DSCAM: variants seen among roughly 807,000 people sequenced by gnomAD.
DSCAM encodes the protein DS cell adhesion molecule.
Under a neutral mutation model 217.7 loss-of-function variants are expected in DSCAM, and 47 were observed. That is an observed-to-expected ratio of 0.22 (90% CI 0.17 to 0.28). DSCAM has a LOEUF of 0.28. DSCAM is among the 10% of genes least tolerant of loss of function. DSCAM has a pLI of 1.00. For synonymous variants in DSCAM, 1,056 were observed against 1,015.3 expected, an observed-to-expected ratio of 1.04 and a Z score of -0.76; for missense variants, 2,080 against 2,618.3, an observed-to-expected ratio of 0.79 and a Z score of 4.49.
intron 3 of DSCAM, among the ~76,000 whole-genome samples, chr21:40,526,422 G>T (rs2076400990): frequency 6.6e-6 from 1 of 152,122 alleles, no homozygotes; most frequent in Non-Finnish European, 1.5e-5. Flanking sequence ...AGAAGGGGGT[G>T]AAGGCTACTC....
intron 11 of DSCAM, among the ~76,000 whole-genome samples, chr21:40,201,927 G>A (rs893509033): frequency 2.6e-5 from 4 of 152,204 alleles, no homozygotes; most frequent in African/African-American, 9.6e-5. Context: ...GGGTTAGCCA[G>A]TTTTTAAGGT....
chr21:40,716,606 C>G (rs138413126), intron 1 of DSCAM, among the ~76,000 whole-genome samples: 124 of 152,200 alleles, frequency 8.1e-4, no homozygotes, highest in African/African-American at 2.8e-3. Context: ...GCTCCACTGA[C>G]AAACATAAAG....
rs180818081 is a variant in DSCAM, at chr21:40,810,486, G to T, written c.43+36133C>A. On this transcript the variant is annotated intron_variant, in intron 1 of 32. Transcript: ENST00000400454. ...CAGGAACACAAGAAGGTTGGGTAGA[G>T]TGTTTAAGCTTTTGAGTCAGAGAGA... Among the ~76,000 whole-genome samples, 32 of 152,354 alleles carry T rather than the reference G, an allele frequency of 2.1e-4. 1 individual carries two copies. Among genetic ancestry groups the T allele is most frequent in the Admixed American group, 1.9e-3 (29 of 15,308 alleles).
intron 3 of DSCAM, among the ~76,000 whole-genome samples, chr21:40,612,317 C>T (rs373687609): frequency 1.2e-3 from 177 of 152,226 alleles, no homozygotes; most frequent in African/African-American, 3.7e-3. Flanking sequence ...TCTCCAAGTT[C>T]GGGTCCTTAG....
intron 2 of DSCAM, among the ~76,000 whole-genome samples, chr21:40,698,102 G>A (rs2090614921): frequency 6.6e-6 from 1 of 152,138 alleles, no homozygotes; most frequent in South Asian, 2.1e-4. Flanking sequence ...GTTATAAGAA[G>A]TTATTTAAAA....
rs79103737 is a variant in DSCAM at position 40,678,984 on chromosome 21, A to G, written c.508+13826T>C. Among the ~76,000 whole-genome samples, 1,479 of 152,276 alleles carry G rather than the reference A, an allele frequency of 9.7e-3. 32 individuals are homozygous for G. The highest frequency in any genetic ancestry group is 0.032 in the African/African-American group (1,336 of 41,538). On this transcript the variant is annotated intron_variant, in intron 3 of 32. Transcript: ENST00000400454. ...AATCATTTCATGAAAATAAAAGAAG[A>G]CAGCTTTTGTTTTGGGAATAATAAA...
At chr21:40,624,898 T>TA (rs2089578916) in intron 3 of DSCAM, among the ~76,000 whole-genome samples, 1 of 152,188 alleles carries the variant, frequency 6.6e-6, no homozygotes, top group Admixed American at 6.5e-5. Flanking sequence ...AGCATATTCA[T>TA]ACCAGTTATT....
chr21:40,629,579 C>T (rs575253476), intron 3 of DSCAM: 1 of 152,272 alleles, frequency 6.6e-6, no homozygotes, highest in South Asian at 2.1e-4. Context: ...ATCCAAAATT[C>T]CCCAGATGCA....
chr21:40,499,256 A>G (rs1043368424), intron 3 of DSCAM, among the ~76,000 whole-genome samples: 14 of 152,170 alleles, frequency 9.2e-5, no homozygotes, highest in African/African-American at 3.4e-4. Flanking sequence ...CATATGTCAA[A>G]TATCTAGACA....
chr21:40,595,132 G>C (rs902245881), intron 3 of DSCAM, among the ~76,000 whole-genome samples: 2 of 152,094 alleles, frequency 1.3e-5, no homozygotes, highest in Non-Finnish European at 2.9e-5. Flanking sequence ...AATTCCATGA[G>C]TTTGGGAGGC....
chr21:40,395,728 CA>C (rs1416261987), intron 3 of DSCAM, among the ~76,000 whole-genome samples: 2 of 152,052 alleles, frequency 1.3e-5, no homozygotes, highest in African/African-American at 4.8e-5. Flanking sequence ...TTTCCATGGA[CA>C]AAGTCTATTA....
chr21:40,790,243 G>A (rs1601262899), intron 1 of DSCAM, among the ~76,000 whole-genome samples: 1 of 146,428 alleles, frequency 6.8e-6, no homozygotes, highest in African/African-American at 2.5e-5. Flanking sequence ...GTGCAGTGGC[G>A]CAATCTCGGC....
intron 16 of DSCAM, among the ~76,000 whole-genome samples, chr21:40,156,310 AG>A (rs2090477555): frequency 1.4e-5 from 2 of 145,910 alleles, no homozygotes; most frequent in Non-Finnish European, 3.0e-5. Context: ...AGAGAGAGAG[AG>A]AGAGAGAGAG....
At chr21:40,132,364 G>T (rs2090162287) in intron 19 of DSCAM, among the ~76,000 whole-genome samples, 1 of 152,196 alleles carries the variant, frequency 6.6e-6, no homozygotes, top group Non-Finnish European at 1.5e-5. Context: ...CATTTGCACA[G>T]CTGTTTGTCT....
intron 32 of DSCAM, among the ~76,000 whole-genome samples, chr21:40,013,709 C>G (rs1411519172): frequency 6.6e-6 from 1 of 152,216 alleles, no homozygotes; most frequent in Non-Finnish European, 1.5e-5. Context: ...TCAAAGGCAT[C>G]AGTGTCCACT....
At chr21:40,440,954 A>G (rs993678771) in intron 3 of DSCAM, among the ~76,000 whole-genome samples, 11 of 152,160 alleles carry the variant, frequency 7.2e-5, no homozygotes, top group African/African-American at 2.7e-4. Flanking sequence ...CACTCTCTTA[A>G]TGGACTTCAG....
intron 11 of DSCAM, among the ~76,000 whole-genome samples, chr21:40,247,810 C>T (rs1205881135): frequency 6.6e-6 from 1 of 152,230 alleles, no homozygotes; most frequent in African/African-American, 2.4e-5. Flanking sequence ...TGTGGGGCCT[C>T]TGACCCCACA....
At chr21:40,582,482 G>T (rs1019667652) in intron 3 of DSCAM, among the ~76,000 whole-genome samples, 1 of 152,032 alleles carries the variant, frequency 6.6e-6, no homozygotes, top group African/African-American at 2.4e-5. Flanking sequence ...ACATTCTTAG[G>T]TTATGTATTA....
chr21:40,606,384 A>G (rs2089238577), intron 3 of DSCAM, among the ~76,000 whole-genome samples: 1 of 152,228 alleles, frequency 6.6e-6, no homozygotes, highest in Non-Finnish European at 1.5e-5. Flanking sequence ...ATTCTTCCAG[A>G]GGAGCTGGAA....
Sources: gnomAD v4.1 joint callset for allele counts (sites outside exome capture counted in the v4.1 genomes callset) on GRCh38, gnomAD v4.1.1 for gene constraint, MANE v1.5 for transcripts, NCBI Gene and HGNC (gene_info 2026-07-23, HGNC 2026-07-21) for gene names.